The following TCF12 variants were observed in gnomAD, a reference collection of about 807,000 sequenced individuals.
TCF12 encodes DNA-binding protein HTF4.
TCF12 carries 45 observed loss-of-function variants against 86.0 expected under a neutral mutation model. The observed-to-expected ratio is 0.52, with a 90% CI of 0.41 to 0.67. The LOEUF (loss-of-function observed/expected upper bound fraction) is 0.67, where lower values mean the gene tolerates loss of function less well. TCF12 is among the 30% of genes least tolerant of loss of function. The pLI, the probability that TCF12 is intolerant of heterozygous loss-of-function variation, is 0.00. For missense variants in TCF12, 881 were observed against 859.9 expected (o/e 1.02, Z -0.31); for synonymous variants, 330 against 299.6 (o/e 1.10, Z -1.05).
At chr15:57,258,530 G>C (rs1368142383) in intron 16 of TCF12, among the ~76,000 whole-genome samples, 1 of 152,134 alleles carries the variant, frequency 6.6e-6, no homozygotes, top group East Asian at 1.9e-4. Flanking sequence ...GCTTGATGCA[G>C]ATCTAAACAG....
chr15:56,948,506 A>G (rs1283305800), intron 3 of TCF12, among the ~76,000 whole-genome samples: 1 of 152,228 alleles, frequency 6.6e-6, no homozygotes, highest in African/African-American at 2.4e-5. Flanking sequence ...AAATCTTTGT[A>G]TAAAACAGTC....
intron 8 of TCF12, among the ~76,000 whole-genome samples, chr15:57,198,372 A>G (rs544244966): frequency 6.1e-4 from 93 of 152,084 alleles, no homozygotes; most frequent in Non-Finnish European, 1.1e-3. Context: ...TCCTAACTTC[A>G]GCCTAGCATC....
chr15:57,243,669 A>G, intron 13 of TCF12, 119 bp downstream of exon 13: 1 of 837,780 alleles, frequency 1.2e-6, no homozygotes, highest in South Asian at 1.8e-5. Flanking sequence ...TTTTGACTAT[A>G]AGAAAGTGTG....
At chr15:57,143,975 C>T (rs1380468795) in intron 5 of TCF12, among the ~76,000 whole-genome samples, 1 of 152,124 alleles carries the variant, frequency 6.6e-6, no homozygotes, top group Non-Finnish European at 1.5e-5. Context: ...GGAGGCTCTG[C>T]TTTTAGGCAG....
chr15:57,177,832 G>A (rs2056064649), intron 6 of TCF12, among the ~76,000 whole-genome samples: 2 of 151,816 alleles, frequency 1.3e-5, no homozygotes, highest in South Asian at 4.2e-4. Flanking sequence ...GTAATTCACT[G>A]CAGCCTCCTG....
At chr15:57,021,527 T>C (rs753414601) in intron 3 of TCF12, among the ~76,000 whole-genome samples, 2 of 152,194 alleles carry the variant, frequency 1.3e-5, no homozygotes, top group African/African-American at 2.4e-5. Context: ...GAGAATGCTA[T>C]TCAGAATGAG....
intron 3 of TCF12, among the ~76,000 whole-genome samples, chr15:57,061,810 T>C (rs559136992): frequency 6.6e-6 from 1 of 152,324 alleles, no homozygotes; most frequent in South Asian, 2.1e-4. Context: ...TTCCATATAT[T>C]AGTGGATTTT....
rs761873976 is a variant in TCF12, at chr15:57,262,107, G to A, written c.1481G>A (p.Arg494Gln). 1.9e-5 allele frequency: 31 copies of A among 1,611,102 alleles called. No homozygotes were observed. Among genetic ancestry groups the A allele is most frequent in the African/African-American group, 4.0e-5 (3 of 74,752 alleles). ...CCTTAACTTTAGGTTGGAACTCATC[G>A]GGAAGACTCTGTCAGTCTCAATGGC... ...SRSASMVGTH[R>Q]EDSVSLNGNH... is the part of the protein sequence containing the mutation. The change falls in exon 17 of 21, where the codon CGG (arginine) becomes CAG (glutamine). Residue 494 changes from arginine to glutamine, a missense_variant. Around this residue, in one of 3 missense-constraint regions of TCF12, gnomAD observed 766 missense variants for 718.9 expected, o/e 1.07. Transcript: ENST00000333725.
intron 18 of TCF12, 93 bp from the exon 19 acceptor site, chr15:57,272,937 T>C: frequency 3.3e-6 from 4 of 1,213,012 alleles, no homozygotes; most frequent in Non-Finnish European, 4.6e-6. Flanking sequence ...TAGGTGGTTT[T>C]CATTTCCATC....
chr15:56,956,995 G>T (rs906584521), intron 3 of TCF12, among the ~76,000 whole-genome samples: 3 of 152,190 alleles, frequency 2.0e-5, no homozygotes, highest in African/African-American at 7.2e-5. Flanking sequence ...AAGAGGTCAT[G>T]AGGGCTCTGT....
chr15:57,216,511 C>G (rs1330560920), intron 8 of TCF12, among the ~76,000 whole-genome samples: 1 of 149,500 alleles, frequency 6.7e-6, no homozygotes, highest in Non-Finnish European at 1.5e-5. Flanking sequence ...CTGTCTCCAG[C>G]TGACTCGTTT....
chr15:57,059,438 A>G (rs555403426), intron 3 of TCF12, among the ~76,000 whole-genome samples: 27 of 151,950 alleles, frequency 1.8e-4, no homozygotes, highest in Admixed American at 5.9e-4. Flanking sequence ...TCATCCTTTC[A>G]TTCTTTCTTG....
At chr15:57,076,113 C>T (rs557350225) in intron 4 of TCF12, among the ~76,000 whole-genome samples, 1 of 151,560 alleles carries the variant, frequency 6.6e-6, no homozygotes, top group Admixed American at 6.6e-5. Context: ...GCCTTGGCCT[C>T]CCAAAGTCCT....
intron 3 of TCF12, among the ~76,000 whole-genome samples, chr15:56,977,579 A>G (rs569018032): frequency 4.3e-4 from 65 of 151,252 alleles, no homozygotes; most frequent in African/African-American, 1.4e-3. Flanking sequence ...ATGTGTGGAG[A>G]GAGAGAGACA....
At chr15:57,088,554 A>G (rs1705929185) in intron 4 of TCF12, among the ~76,000 whole-genome samples, 1 of 150,360 alleles carries the variant, frequency 6.7e-6, no homozygotes. Context: ...CTTATCTGGA[A>G]ATTTCTGGTG....
At chr15:57,204,201 C>A (rs1029935565) in intron 8 of TCF12, among the ~76,000 whole-genome samples, 3 of 152,010 alleles carry the variant, frequency 2.0e-5, no homozygotes, top group Admixed American at 2.0e-4. Flanking sequence ...TTTGGGAGGC[C>A]AAGGTGGGAG....
chr15:57,237,148 A>AGAGT (rs1555404682), intron 12 of TCF12, among the ~76,000 whole-genome samples: 6 of 146,132 alleles, frequency 4.1e-5, no homozygotes, highest in South Asian at 2.2e-4. Context: ...AGAGAGAGAG[A>AGAGT]GTGTGTGTGT....
At chr15:57,171,909 A>G (rs1051111266) in intron 6 of TCF12, among the ~76,000 whole-genome samples, 2 of 152,216 alleles carry the variant, frequency 1.3e-5, no homozygotes, top group Non-Finnish European at 2.9e-5. Flanking sequence ...TTAAGCAAGT[A>G]TTTATTCACA....
At chr15:57,248,939 G>A (rs1034870980) in intron 13 of TCF12, among the ~76,000 whole-genome samples, 2 of 152,156 alleles carry the variant, frequency 1.3e-5, no homozygotes, top group Non-Finnish European at 2.9e-5. Context: ...ACAATTCTGA[G>A]GCATTTGAAC....
Sources: gnomAD v4.1 joint callset for allele counts (sites outside exome capture counted in the v4.1 genomes callset) on GRCh38, gnomAD v4.1.1 for gene constraint, gnomAD v4.1.1 regional missense constraint, MANE v1.5 for transcripts, NCBI Gene and HGNC (gene_info 2026-07-23, HGNC 2026-07-21) for gene names.